ADK: variants seen among roughly 807,000 people sequenced by gnomAD.
ADK encodes the protein N6,N6-dimethyladenosine kinase.
ADK carries 24 observed loss-of-function variants against 44.7 expected under a neutral mutation model. The ratio of observed to expected loss-of-function variants is 0.54; its 90% CI spans 0.39 to 0.76. ADK has a LOEUF of 0.76. ADK is among the 30% of genes least tolerant of loss of function. ADK has a pLI of 0.00. For synonymous variants in ADK, 128 were observed against 142.6 expected, an observed-to-expected ratio of 0.90 and a Z score of 0.73; for missense variants, 321 against 425.1, an observed-to-expected ratio of 0.76 and a Z score of 2.15.
At chr10:74,655,287 G>T (rs1027299462) in intron 9 of ADK, 7 of 466,252 alleles carry the variant, frequency 1.5e-5, no homozygotes, top group Non-Finnish European at 2.8e-5. Flanking sequence ...CTTTGAGAAG[G>T]GCCCAGCTGA....
Position 74,520,361 on chromosome 10 carries a change from A to G in ADK, c.556-4895A>G, listed in dbSNP as rs558745931. On this transcript the variant is annotated intron_variant, in intron 6 of 10. Coordinates refer to ENST00000539909, the MANE Select transcript of ADK (RefSeq NM_006721.4). ...ACCATGTATCCACAGTTGATTAATT[A>G]TAGTCATGGTTATTTTACATAGGTT... Among the ~76,000 whole-genome samples, 9 of 151,696 alleles carry G rather than the reference A, an allele frequency of 5.9e-5. No homozygotes were observed. In the South Asian group the frequency reaches 1.9e-3, roughly 32 times the overall value.
rs561187721 is a variant in ADK, at chr10:74,259,679, G to A, written c.194+35088G>A. On this transcript the variant is annotated intron_variant, in intron 3 of 10. Transcript: ENST00000539909. ...TCACCATGTTAGCCAGGATGGTCTC[G>A]ATCTCCTGACCTCGTGATCCGTCTG... 8.6e-5 allele frequency among the ~76,000 whole-genome samples: 13 copies of A among 151,608 alleles called. No individual in the cohort carries two copies. In the East Asian group the frequency reaches 9.8e-4, roughly 11 times the overall value.
intron 1 of ADK, among the ~76,000 whole-genome samples, chr10:74,156,267 C>T (rs1841748173): frequency 6.6e-6 from 1 of 152,154 alleles, no homozygotes; most frequent in African/African-American, 2.4e-5. Flanking sequence ...TCAAATAAAA[C>T]ATGAGGCTGA....
intron 7 of ADK, among the ~76,000 whole-genome samples, chr10:74,547,410 T>G (rs1287337124): frequency 6.7e-6 from 1 of 148,158 alleles, no homozygotes; most frequent in East Asian, 1.9e-4. Context: ...TGAAATAGAT[T>G]TTACATCATT....
At chr10:74,447,433 T>C (rs1343321533) in intron 6 of ADK, among the ~76,000 whole-genome samples, 1 of 152,196 alleles carries the variant, frequency 6.6e-6, no homozygotes, top group African/African-American at 2.4e-5. Context: ...ATTACAAATA[T>C]GAATTTCCTT....
At chr10:74,400,736 T>C (rs1401220461) in intron 6 of ADK, among the ~76,000 whole-genome samples, 1 of 152,198 alleles carries the variant, frequency 6.6e-6, no homozygotes, top group Admixed American at 6.5e-5. Context: ...ATGTTTTTGA[T>C]CTAAGGAAGC....
chr10:74,174,313 C>CAAAAAAAA (rs34778804), intron 1 of ADK: 4 of 20,708 alleles, frequency 1.9e-4, no homozygotes, highest in Non-Finnish European at 4.2e-4. Context: ...GACTCCATCT[C>CAAAAAAAA]AAAAAAAAAA....
intron 6 of ADK, among the ~76,000 whole-genome samples, chr10:74,433,210 C>T (rs907686127): frequency 6.6e-5 from 10 of 152,212 alleles, no homozygotes; most frequent in African/African-American, 2.2e-4. Flanking sequence ...TTTACATACA[C>T]ACCAGATTTT....
At chr10:74,558,228 C>T (rs1430612075) in intron 7 of ADK, among the ~76,000 whole-genome samples, 1 of 152,178 alleles carries the variant, frequency 6.6e-6, no homozygotes, top group African/African-American at 2.4e-5. Context: ...AGAAGTGTCT[C>T]ATTCTGTTGC....
chr10:74,332,365 T>C (rs754146261), intron 4 of ADK, among the ~76,000 whole-genome samples: 9 of 152,194 alleles, frequency 5.9e-5, no homozygotes, highest in Admixed American at 3.3e-4. Flanking sequence ...TAGCCATAGC[T>C]ATTCTAAGCC....
chr10:74,478,918 A>C (rs1240326236), intron 6 of ADK, among the ~76,000 whole-genome samples: 2 of 152,184 alleles, frequency 1.3e-5, no homozygotes, highest in East Asian at 3.9e-4. Context: ...CTTGGTCTTC[A>C]CTACTGTGTG....
intron 3 of ADK, among the ~76,000 whole-genome samples, chr10:74,275,770 A>G (rs1846648446): frequency 6.6e-6 from 1 of 152,026 alleles, no homozygotes; most frequent in Non-Finnish European, 1.5e-5. Flanking sequence ...GAAATTCTCC[A>G]GCCTCAGCCT....
At chr10:74,633,424 G>T (rs1342899738) in intron 9 of ADK, among the ~76,000 whole-genome samples, 1 of 151,968 alleles carries the variant, frequency 6.6e-6, no homozygotes, top group Admixed American at 6.6e-5. Flanking sequence ...AGCACTATTT[G>T]CAATGACCAA....
At chr10:74,186,542 G>A (rs1490991980) in intron 1 of ADK, among the ~76,000 whole-genome samples, 1 of 151,804 alleles carries the variant, frequency 6.6e-6, no homozygotes, top group African/African-American at 2.4e-5. Flanking sequence ...GAGCCCAAGT[G>A]ATCCACCCAC....
intron 7 of ADK, among the ~76,000 whole-genome samples, chr10:74,563,366 C>T (rs1268549775): frequency 6.6e-6 from 1 of 152,186 alleles, no homozygotes; most frequent in Non-Finnish European, 1.5e-5. Flanking sequence ...TTTATTAAGT[C>T]TCAAATATTT....
At chr10:74,563,091 TC>T (rs1414328010) in intron 7 of ADK, among the ~76,000 whole-genome samples, 2 of 152,158 alleles carry the variant, frequency 1.3e-5, no homozygotes, top group African/African-American at 4.8e-5. Context: ...CACTGTGTTG[TC>T]CAGGCTGGAG....
At chr10:74,458,205 C>G (rs1589130888) in intron 6 of ADK, among the ~76,000 whole-genome samples, 1 of 134,186 alleles carries the variant, frequency 7.5e-6, no homozygotes, top group East Asian at 2.2e-4. Flanking sequence ...GATCACCGCT[C>G]ACTGTGGCCT....
At chr10:74,255,721 T>G (rs1415144616) in intron 3 of ADK, among the ~76,000 whole-genome samples, 1 of 152,204 alleles carries the variant, frequency 6.6e-6, no homozygotes, top group Non-Finnish European at 1.5e-5. Context: ...CAAAATTAGC[T>G]CTAGCATTTA....
intron 9 of ADK, among the ~76,000 whole-genome samples, chr10:74,649,934 A>T (rs1854199855): frequency 1.3e-5 from 2 of 152,188 alleles, no homozygotes; most frequent in East Asian, 3.8e-4. Context: ...AAGATACCTG[A>T]TTGTGAGGAG....
Sources: gnomAD v4.1 joint callset for allele counts (sites outside exome capture counted in the v4.1 genomes callset) on GRCh38, gnomAD v4.1.1 for gene constraint, MANE v1.5 for transcripts, NCBI Gene and HGNC (gene_info 2026-07-23, HGNC 2026-07-21) for gene names.